SYT14: variants seen among roughly 807,000 people sequenced by gnomAD.
SYT14 encodes synaptotagmin 14.
In SYT14, 32 loss-of-function variants were observed where a neutral mutation model predicts 74.2. The ratio of observed to expected loss-of-function variants is 0.43; its 90% confidence interval spans 0.33 to 0.58. The LOEUF is 0.58. Ranked by LOEUF, SYT14 falls within the 20% of genes least tolerant of loss-of-function variation. The pLI is 0.05. For missense variants in SYT14, 791 were observed against 981.8 expected, an observed-to-expected ratio of 0.81 and a Z score of 2.60; for synonymous variants, 298 against 337.7, an observed-to-expected ratio of 0.88 and a Z score of 1.29.
At chr1:209,938,299 G>T in intron 1 of SYT14, 22 bp downstream of exon 1, 1 of 1,553,404 alleles carries the variant, frequency 6.4e-7, no homozygotes, top group Non-Finnish European at 8.7e-7. Context: ...CTGACAGCGG[G>T]GAGCGAGGAC....
At chr1:209,969,494 T>C (rs910188175) in intron 2 of SYT14, among the ~76,000 whole-genome samples, 20 of 147,922 alleles carry the variant, frequency 1.4e-4, no homozygotes, top group African/African-American at 5.0e-4. Flanking sequence ...TTCTTTTTTT[T>C]TTTTTTTTTT....
At chr1:209,998,406 T>C (rs1035666743) in intron 2 of SYT14, among the ~76,000 whole-genome samples, 2 of 152,058 alleles carry the variant, frequency 1.3e-5, no homozygotes, top group African/African-American at 4.8e-5. Flanking sequence ...GTGCAATCCC[T>C]GTCAGAATAT....
chr1:209,983,893 A>T (rs754064506), intron 2 of SYT14, among the ~76,000 whole-genome samples: 2 of 152,176 alleles, frequency 1.3e-5, no homozygotes, highest in African/African-American at 2.4e-5. Context: ...TGCTGCAGTC[A>T]TCTATTTAGT....
intron 7 of SYT14, among the ~76,000 whole-genome samples, chr1:210,129,156 C>G (rs1229190695): frequency 1.3e-5 from 2 of 152,156 alleles, no homozygotes; most frequent in Non-Finnish European, 2.9e-5. Context: ...TAATTATTTG[C>G]ATCAGTTAAG....
At chr1:210,159,358 T>C (rs2083329366) in intron 8 of SYT14, 63 bp from the exon 8 acceptor site, 4 of 1,485,396 alleles carry the variant, frequency 2.7e-6, no homozygotes, top group Non-Finnish European at 3.7e-6. Flanking sequence ...TTTGACCCTC[T>C]TTCACCCAAC....
Position 210,124,467 on chromosome 1 carries a change from A to G in SYT14, c.2034+24006A>G, listed in dbSNP as rs376668445. On this transcript the variant is annotated intron_variant, in intron 7 of 9. Transcript: ENST00000637265. ...TGAAGAGCTTGTCTCCAAATAAAGG[A>G]TCTGAACAATAAATGAAAAAATCCA... Among the ~76,000 whole-genome samples, 7 of 152,268 alleles carry G rather than the reference A, an allele frequency of 4.6e-5. No individual in the cohort carries two copies. In the South Asian group the frequency reaches 1.2e-3, roughly 27 times the overall value.
chr1:210,104,630 A>T (rs1263430160), intron 7 of SYT14, among the ~76,000 whole-genome samples: 1 of 152,168 alleles, frequency 6.6e-6, no homozygotes, highest in Non-Finnish European at 1.5e-5. Context: ...ACTCTCTAAC[A>T]GTTGCATAAA....
In SYT14 at chr1:210,136,734, G is replaced by A. The variant is rs886609769; in HGVS notation, c.2035-18987G>A. On this transcript the variant is annotated intron_variant, in intron 7 of 9. Coordinates refer to ENST00000637265, the Ensembl canonical transcript of SYT14. ...ACCTGTTTTACTTAGTAACTTTGGCGAAGACCTCACCGTAGCCTCTGGTGG... is the reference window on the plus strand; with the variant it reads ...ACCTGTTTTACTTAGTAACTTTGGCAAAGACCTCACCGTAGCCTCTGGTGG... 2.0e-5 allele frequency among the ~76,000 whole-genome samples: 3 copies of A among 152,292 alleles called. No homozygotes were observed. In the East Asian group the frequency reaches 5.8e-4, roughly 29 times the overall value.
chr1:209,989,475 A>G (rs915073197), intron 2 of SYT14, among the ~76,000 whole-genome samples: 6 of 152,216 alleles, frequency 3.9e-5, no homozygotes. Flanking sequence ...ACCTTAAGGA[A>G]AGGCATTCTC....
chr1:209,965,972 A>C, intron 2 of SYT14: 1 of 453,798 alleles, frequency 2.2e-6, no homozygotes, highest in South Asian at 1.6e-5. Flanking sequence ...CTGGGTTCAA[A>C]CGATTCTTCT....
intron 5 of SYT14, among the ~76,000 whole-genome samples, chr1:210,026,817 A>T (rs2080424171): frequency 6.6e-6 from 1 of 151,876 alleles, no homozygotes; most frequent in Admixed American, 6.6e-5. Context: ...TATTTCCTTT[A>T]AGTCCATTTT....
At chr1:210,052,664 C>CAAAAAAAAAAAAAAA (rs1466249136) in intron 5 of SYT14, among the ~76,000 whole-genome samples, 1 of 29,152 alleles carries the variant, frequency 3.4e-5, no homozygotes. Context: ...CTACATCTCA[C>CAAAAAAAAAAAAAAA]CAAAAAAAAA....
At chr1:210,052,540 A>G (rs1306621838) in intron 5 of SYT14, among the ~76,000 whole-genome samples, 2 of 151,468 alleles carry the variant, frequency 1.3e-5, no homozygotes, top group Non-Finnish European at 3.0e-5. Flanking sequence ...GCGGGCGCCA[A>G]TAATCCCAGC....
chr1:210,134,672 CT>C (rs1255029565), intron 7 of SYT14, among the ~76,000 whole-genome samples: 1 of 152,120 alleles, frequency 6.6e-6, no homozygotes, highest in African/African-American at 2.4e-5. Context: ...GCCCCTACCC[CT>C]AAACATGCTT....
chr1:209,969,689 G>A (rs182121501), intron 2 of SYT14, among the ~76,000 whole-genome samples: 29 of 151,884 alleles, frequency 1.9e-4, no homozygotes, highest in Middle Eastern at 3.4e-3. Context: ...GGGTTTCACC[G>A]TGTTAGCCAG....
chr1:210,009,248 G>A (rs2080042622), intron 2 of SYT14, among the ~76,000 whole-genome samples: 1 of 152,122 alleles, frequency 6.6e-6, no homozygotes, highest in African/African-American at 2.4e-5. Flanking sequence ...GTTACTGGCT[G>A]ACTTCTGGTA....
At chr1:210,010,757 A>G (rs2080071810) in intron 2 of SYT14, among the ~76,000 whole-genome samples, 1 of 152,188 alleles carries the variant, frequency 6.6e-6, no homozygotes, top group Non-Finnish European at 1.5e-5. Context: ...AGAGGAGAGA[A>G]GGAAAACAGA....
intron 7 of SYT14, among the ~76,000 whole-genome samples, chr1:210,137,133 G>A (rs183512457): frequency 6.6e-6 from 1 of 152,200 alleles, no homozygotes; most frequent in Non-Finnish European, 1.5e-5. Context: ...AGATTTGAAG[G>A]GACTTACCCA....
chr1:209,975,910 C>CT (rs1203214960), intron 2 of SYT14, among the ~76,000 whole-genome samples: 1 of 152,176 alleles, frequency 6.6e-6, no homozygotes, highest in Non-Finnish European at 1.5e-5. Flanking sequence ...AGAGATTCAA[C>CT]TTTTTGCTGA....
Sources: gnomAD v4.1 joint callset for allele counts (sites outside exome capture counted in the v4.1 genomes callset) on GRCh38, gnomAD v4.1.1 for gene constraint, MANE v1.5 for transcripts, NCBI Gene and HGNC (gene_info 2026-07-23, HGNC 2026-07-21) for gene names.